ATL1: variants seen among roughly 807,000 people sequenced by gnomAD.
ATL1 encodes the protein atlastin GTPase 1.
ATL1 carries 31 observed loss-of-function variants against 75.5 expected under a neutral mutation model. The ratio of observed to expected loss-of-function variants is 0.41; its 90% CI spans 0.31 to 0.55. The LOEUF is 0.55. ATL1 is among the 20% of genes least tolerant of loss of function. The probability of loss-of-function intolerance (pLI) is 0.27; values close to 1 mark genes in which losing one functional copy is unlikely to be tolerated. For missense variants in ATL1, 405 were observed against 662.6 expected (o/e 0.61, Z 4.27); for synonymous variants, 226 against 233.3 (o/e 0.97, Z 0.28).
chr14:50,618,618 T>C (rs754308551), intron 8 of ATL1, among the ~76,000 whole-genome samples: 18 of 152,128 alleles, frequency 1.2e-4, no homozygotes, highest in Non-Finnish European at 2.4e-4. Flanking sequence ...AGTATTTCAA[T>C]GTAGCCCCAA....
chr14:50,611,261 C>T (rs1297382666), intron 6 of ATL1, among the ~76,000 whole-genome samples: 1 of 152,094 alleles, frequency 6.6e-6, no homozygotes, highest in Admixed American at 6.6e-5. Context: ...TTTGCTTAAA[C>T]TTGTTGGAAT....
At chr14:50,567,381 T>G (rs1243051788) in intron 1 of ATL1, among the ~76,000 whole-genome samples, 1 of 152,214 alleles carries the variant, frequency 6.6e-6, no homozygotes, top group Non-Finnish European at 1.5e-5. Flanking sequence ...AGACACTGGG[T>G]TGCTTTCACA....
chr14:50,592,543 A>T (rs2140206410), intron 4 of ATL1, among the ~76,000 whole-genome samples: 1 of 41,186 alleles, frequency 2.4e-5, no homozygotes, highest in Middle Eastern at 0.011. Flanking sequence ...TAAAAGTCAT[A>T]AAAAAAAAAG....
At position 50,590,984 on chromosome 14, in the gene ATL1, G is replaced by A; in HGVS notation, c.326G>A (p.Gly109Asp). 1.9e-6 allele frequency: 3 copies of A among 1,613,838 alleles called. No individual in the cohort carries two copies. The highest frequency in any genetic ancestry group is 2.5e-6 in the Non-Finnish European group (3 of 1,179,834). ...WVGDYNEPLT[G>D]FSWRGGSERE... is the part of the protein sequence containing the mutation. ...GGAGACTACAATGAACCATTGACTG[G>A]TTTTTCATGGAGAGGTGGATCTGAG... Residue 109 changes from glycine to aspartate, a missense_variant, in exon 3 of 14, where the codon GGT becomes GAT. Physicochemically the swap from Gly to Asp is moderately conservative, Grantham distance 94 (BLOSUM62 -1). This residue lies in a region of ATL1 where 126 missense variants were observed against 172.0 expected (regional missense o/e 0.73). Transcript: ENST00000358385.
Position 50,590,975 on chromosome 14 carries a change from C to G in ATL1, c.317C>G (p.Pro106Arg), listed in dbSNP as rs1268625861. 2 of 1,613,722 alleles carry G rather than the reference C, an allele frequency of 1.2e-6. No homozygotes were observed. The highest frequency in any genetic ancestry group is 1.7e-6 in the Non-Finnish European group (2 of 1,179,882). ...SVDWVGDYNE[P>R]LTGFSWRGGS... ...GATTGGGTTGGAGACTACAATGAAC[C>G]ATTGACTGGTTTTTCATGGAGAGGT... The change falls in exon 3 of 14, where the codon CCA (proline) becomes CGA (arginine). Residue 106 changes from proline to arginine, a missense_variant. By Grantham distance (103) the Pro-to-Arg change is moderately radical. Coordinates refer to ENST00000358385, the MANE Select transcript of ATL1 (RefSeq NM_015915.5).
intron 1 of ATL1, among the ~76,000 whole-genome samples, chr14:50,574,917 GT>G: frequency 1.2e-5 from 1 of 86,180 alleles, no homozygotes; most frequent in East Asian, 3.6e-4. Flanking sequence ...GAGTGTGTGT[GT>G]GTGTGTGTGT....
rs370437049 is a variant in ATL1, at chr14:50,613,221, T to C, written c.631-38T>C. On this transcript the variant is annotated intron_variant, in intron 6 of 13. Transcript: ENST00000358385. ...CCATATAAAGCAAAGGGAGGCACCT[T>C]AAAGTCCTCATATCAATCCTTTCTT... The C allele has an allele frequency of 1.7e-5, 26 of 1,508,060 alleles. No individual in the cohort carries two copies. The African/African-American group carries it at 3.6e-4, about 21-fold the overall frequency. 93.4% of individuals were successfully genotyped at this position (1,508,060 alleles called of 1,614,324 possible).
chr14:50,630,796 A>AAAAAAG, intron 13 of ATL1: 1 of 328,066 alleles, frequency 3.0e-6, no homozygotes, highest in South Asian at 2.5e-5. Flanking sequence ...CAAGTTCATT[A>AAAAAAG]AAAAAGCAAA....
chr14:50,534,490 C>G (rs2038467557), intron 1 of ATL1, among the ~76,000 whole-genome samples: 1 of 152,188 alleles, frequency 6.6e-6, no homozygotes, highest in Non-Finnish European at 1.5e-5. Flanking sequence ...GACAAATATC[C>G]TGACAATCCT....
chr14:50,613,395 G>C, intron 7 of ATL1, 44 bp downstream of exon 7: 1 of 1,431,794 alleles, frequency 7.0e-7, no homozygotes, highest in Admixed American at 1.7e-5. Flanking sequence ...TAATAATCTG[G>C]AATTATTTCT....
chr14:50,615,930 C>T (rs1397889986), intron 8 of ATL1, among the ~76,000 whole-genome samples: 1 of 152,154 alleles, frequency 6.6e-6, no homozygotes, highest in Non-Finnish European at 1.5e-5. Context: ...ATACATTTTG[C>T]AATGAAAGAG....
At chr14:50,539,622 A>G (rs2038536186) in intron 1 of ATL1, among the ~76,000 whole-genome samples, 1 of 152,258 alleles carries the variant, frequency 6.6e-6, no homozygotes, top group African/African-American at 2.4e-5. Flanking sequence ...TTGAGCAGAT[A>G]TGAATGAGGC....
intron 11 of ATL1, among the ~76,000 whole-genome samples, chr14:50,627,178 G>A (rs1006884328): frequency 1.3e-5 from 2 of 152,214 alleles, no homozygotes; most frequent in African/African-American, 4.8e-5. Flanking sequence ...ATCGAGGCAA[G>A]AGCCTCCACC....
chr14:50,620,824 C>T, intron 9 of ATL1, 98 bp downstream of exon 9: 5 of 1,387,724 alleles, frequency 3.6e-6, no homozygotes, highest in East Asian at 2.4e-5. Context: ...AATATGGGAG[C>T]AAAGGTACGA....
chr14:50,624,163 G>A (rs72679576), intron 11 of ATL1, among the ~76,000 whole-genome samples: 27,751 of 151,994 alleles, frequency 0.18, 3,232 homozygotes, highest in African/African-American at 0.31. Context: ...CAGAATGAAA[G>A]AATTCTCGAT....
At chr14:50,599,694 GAAGT>G (rs1313119653) in intron 6 of ATL1, among the ~76,000 whole-genome samples, 1 of 152,104 alleles carries the variant, frequency 6.6e-6, no homozygotes, top group East Asian at 1.9e-4. Context: ...AATTTGTACA[GAAGT>G]AAGCAGAAAA....
At chr14:50,624,033 C>G (rs186394617) in intron 11 of ATL1, among the ~76,000 whole-genome samples, 102 of 149,522 alleles carry the variant, frequency 6.8e-4, no homozygotes, top group Admixed American at 1.1e-3. Flanking sequence ...CCAGCCTGGG[C>G]AACAGAGCAA....
chr14:50,545,465 G>A (rs995525610), intron 1 of ATL1, among the ~76,000 whole-genome samples: 1 of 152,120 alleles, frequency 6.6e-6, no homozygotes, highest in Non-Finnish European at 1.5e-5. Context: ...ATCCATGTGG[G>A]GTGAAATAGT....
chr14:50,536,920 C>T (rs895679303), intron 1 of ATL1, among the ~76,000 whole-genome samples: 8 of 152,154 alleles, frequency 5.3e-5, no homozygotes, highest in Non-Finnish European at 1.2e-4. Flanking sequence ...AATTTGCAGC[C>T]TGACAATACA....
Sources: allele counts gnomAD v4.1 joint callset (sites outside exome capture counted in the v4.1 genomes callset), GRCh38; gene constraint gnomAD v4.1.1; regional missense constraint gnomAD v4.1.1; transcripts MANE v1.5; gene names NCBI Gene and HGNC (gene_info 2026-07-23, HGNC 2026-07-21).